Variants in ABCA13 observed in about 807,000 individuals in gnomAD.
ABCA13 encodes the protein ATP binding cassette subfamily A member 13, also known as ATP-binding cassette sub-family A member 13.
A neutral mutation model predicts 478.7 loss-of-function variants in ABCA13; 476 were observed. The ratio of observed to expected loss-of-function variants is 0.99; its 90% CI spans 0.92 to 1.07. The LOEUF is 1.07. Among genes scored for constraint, ABCA13 ranks in the 50% least tolerant of loss-of-function variants. The pLI is 0.00. For missense variants in ABCA13, 6,060 were observed against 5,910.6 expected (o/e 1.03, Z -0.83); for synonymous variants, 2,252 against 2,158.9 (o/e 1.04, Z -1.20).
intron 1 of ABCA13, among the ~76,000 whole-genome samples, chr7:48,175,513 T>C (rs533965010): frequency 9.9e-5 from 15 of 151,008 alleles, no homozygotes; most frequent in Non-Finnish European, 2.1e-4. Context: ...CTCTGCCTCC[T>C]GGGTTCAAGC....
intron 20 of ABCA13, among the ~76,000 whole-genome samples, chr7:48,294,864 T>G (rs1219809194): frequency 6.6e-6 from 1 of 152,266 alleles, no homozygotes; most frequent in African/African-American, 2.4e-5. Flanking sequence ...TCATCCATGT[T>G]GCTGCCAGTG....
chr7:48,374,198 A>G lies in ABCA13; in HGVS notation c.11134-149A>G, dbSNP rs1175789493. On this transcript the variant is annotated intron_variant, in intron 33 of 61. Coordinates refer to ENST00000435803, the MANE Select transcript of ABCA13 (RefSeq NM_152701.5). ...CATTCCGCTAAGATTTTCAGATCAA[A>G]ATATTTAAATGACTGCCTGAAGCGA... 9.0e-6 allele frequency: 6 copies of G among 669,314 alleles called. No individual in the cohort carries two copies. The Admixed American group carries it at 1.0e-4, about 11-fold the overall frequency. 41.5% of individuals were successfully genotyped at this position (669,314 alleles called of 1,614,324 possible). A position where few individuals can be genotyped will look rare whatever the true frequency, so the allele number is the denominator to read the frequency against.
chr7:48,279,661 A>G lies in ABCA13; in HGVS notation c.8467A>G (p.Ile2823Val), dbSNP rs1796764629. 1.9e-6 allele frequency: 3 copies of G among 1,613,552 alleles called. No individual in the cohort carries two copies. Among genetic ancestry groups the G allele is most frequent in the Non-Finnish European group, 2.5e-6 (3 of 1,179,756 alleles). ...EKAIHNVLSR[I>V]ALWRKGLLFN... ...AGCAATCCATAATGTTTTAAGTAGA[A>G]TAGCTCTCTGGAGGAAAGGACTTCT... The change falls in exon 18 of 62, where the codon ATA becomes GTA. Residue 2823 changes from isoleucine (I) to valine (V), a missense_variant. Physicochemically the swap from Ile to Val is conservative, Grantham distance 29. This residue lies in a region of ABCA13 where 4,423 missense variants were observed against 4,309.1 expected (regional missense o/e 1.03). Coordinates refer to ENST00000435803, the MANE Select transcript of ABCA13 (RefSeq NM_152701.5).
intron 55 of ABCA13, among the ~76,000 whole-genome samples, chr7:48,569,620 G>A (rs1026658828): frequency 8.6e-5 from 13 of 152,024 alleles, no homozygotes; most frequent in Non-Finnish European, 1.2e-4. Context: ...CACCTCTCAC[G>A]TTCTAGTGAT....
At chr7:48,293,199 C>CCCCCCCCCCCCCCCCCA in intron 20 of ABCA13, among the ~76,000 whole-genome samples, 1 of 135,752 alleles carries the variant, frequency 7.4e-6, no homozygotes, top group African/African-American at 2.6e-5. Context: ...TCAGCCCCCC[C>CCCCCCCCCCCCCCCCCA]CCCGCCACAC....
chr7:48,532,357 C>T (rs1170925143), intron 55 of ABCA13, among the ~76,000 whole-genome samples: 2 of 152,084 alleles, frequency 1.3e-5, no homozygotes, highest in African/African-American at 4.8e-5. Flanking sequence ...CACATTTGAT[C>T]ATGGTGGATT....
intron 51 of ABCA13, among the ~76,000 whole-genome samples, chr7:48,512,812 T>C (rs776227576): frequency 2.0e-4 from 30 of 152,228 alleles, no homozygotes; most frequent in Non-Finnish European, 7.4e-5. Flanking sequence ...CACAGGTCTG[T>C]TGAAGCACAA....
intron 1 of ABCA13, among the ~76,000 whole-genome samples, chr7:48,180,530 C>A (rs1040192235): frequency 1.3e-5 from 2 of 152,170 alleles, no homozygotes; most frequent in African/African-American, 4.8e-5. Flanking sequence ...AAACAACTCT[C>A]CTGCCTCAGC....
chr7:48,466,628 A>G (rs1826903278), intron 43 of ABCA13, among the ~76,000 whole-genome samples: 1 of 152,200 alleles, frequency 6.6e-6, no homozygotes. Flanking sequence ...AGCCTTTAAA[A>G]TTTGTTTTTA....
intron 59 of ABCA13, among the ~76,000 whole-genome samples, chr7:48,633,945 T>C (rs2131649079): frequency 7.0e-6 from 1 of 143,424 alleles, no homozygotes; most frequent in East Asian, 2.2e-4. Flanking sequence ...GATAGATAGA[T>C]AGATAGATAG....
chr7:48,424,133 T>G (rs1268554731), intron 41 of ABCA13, among the ~76,000 whole-genome samples: 1 of 152,230 alleles, frequency 6.6e-6, no homozygotes, highest in Non-Finnish European at 1.5e-5. Context: ...AGCCAGGACA[T>G]TAGATGTTTA....
chr7:48,422,087 A>G (rs1251951111), intron 41 of ABCA13, among the ~76,000 whole-genome samples: 1 of 139,266 alleles, frequency 7.2e-6, no homozygotes, highest in African/African-American at 2.8e-5. Context: ...AAAAAAAAGA[A>G]AAAAGGAAAG....
chr7:48,411,006 TC>T (rs1275365737), intron 40 of ABCA13, among the ~76,000 whole-genome samples: 8 of 112,074 alleles, frequency 7.1e-5, no homozygotes, highest in East Asian at 2.8e-4. Flanking sequence ...TTTCTTTCTT[TC>T]TTTCTTTCTT....
At chr7:48,626,947 A>T in intron 59 of ABCA13, 1 of 985,398 alleles carries the variant, frequency 1.0e-6, no homozygotes, top group Non-Finnish European at 1.2e-6. Context: ...GGGGGTGATT[A>T]TTGCGTATGG....
At chr7:48,276,632 G>T in intron 17 of ABCA13, 67 bp downstream of exon 17, 1 of 1,319,016 alleles carries the variant, frequency 7.6e-7, no homozygotes, top group African/African-American at 1.4e-5. Context: ...TTATTTTCTG[G>T]AGTATAGACA....
intron 1 of ABCA13, among the ~76,000 whole-genome samples, chr7:48,188,360 T>A (rs1280056875): frequency 1.3e-5 from 2 of 152,198 alleles, no homozygotes; most frequent in Non-Finnish European, 2.9e-5. Flanking sequence ...GTTTATTTGA[T>A]CATTCTCAGT....
intron 42 of ABCA13, among the ~76,000 whole-genome samples, chr7:48,443,552 C>T (rs2129170422): frequency 6.6e-6 from 1 of 152,342 alleles, no homozygotes; most frequent in South Asian, 2.1e-4. Context: ...TCACAGGTTT[C>T]ACTTTGCTGA....
At chr7:48,308,057 C>G (rs1301132653) in intron 23 of ABCA13, among the ~76,000 whole-genome samples, 2 of 152,214 alleles carry the variant, frequency 1.3e-5, no homozygotes, top group Non-Finnish European at 2.9e-5. Context: ...ATACATTGCA[C>G]AGCTGTACAA....
intron 35 of ABCA13, among the ~76,000 whole-genome samples, chr7:48,382,221 C>A (rs1445252279): frequency 6.6e-6 from 1 of 152,094 alleles, no homozygotes; most frequent in Non-Finnish European, 1.5e-5. Flanking sequence ...TCTAGGTATC[C>A]CCGACCCCAG....
Sources: gnomAD v4.1 joint callset for allele counts (sites outside exome capture counted in the v4.1 genomes callset) on GRCh38, gnomAD v4.1.1 for gene constraint, gnomAD v4.1.1 regional missense constraint, MANE v1.5 for transcripts, NCBI Gene and HGNC (gene_info 2026-07-23, HGNC 2026-07-21) for gene names.